Variants in ECSCR observed in about 807,000 individuals in gnomAD.
ECSCR encodes endothelial cell surface expressed chemotaxis and apoptosis regulator.
ECSCR carries 12 observed loss-of-function variants against 16.7 expected under a neutral mutation model. The observed-to-expected ratio is 0.72, with a 90% confidence interval of 0.46 to 1.17. The LOEUF (loss-of-function observed/expected upper bound fraction) is 1.17, where lower values mean the gene tolerates loss of function less well. Among genes scored for constraint, ECSCR ranks in the 50% most tolerant of loss-of-function variants. The probability of loss-of-function intolerance (pLI) is 0.00; values close to 1 mark genes in which losing one functional copy is unlikely to be tolerated. For synonymous variants in ECSCR, 44 were observed against 42.2 expected, an observed-to-expected ratio of 1.04 and a Z score of -0.17; for missense variants, 122 against 116.1, an observed-to-expected ratio of 1.05 and a Z score of -0.23.
At chr5:139,451,279 G>A (rs1751038164) in intron 8 of ECSCR, among the ~76,000 whole-genome samples, 1 of 149,100 alleles carries the variant, frequency 6.7e-6, no homozygotes, top group Non-Finnish European at 1.5e-5. Flanking sequence ...TATGTGTCAT[G>A]TATGTGATGT....
At chr5:139,455,087 C>G (rs1199936914) in intron 6 of ECSCR, among the ~76,000 whole-genome samples, 164 bp from the exon 7 acceptor site, 1 of 152,122 alleles carries the variant, frequency 6.6e-6, no homozygotes, top group Admixed American at 6.5e-5. Flanking sequence ...CTGCCCGCCC[C>G]CTAGCCAGAG....
chr5:139,459,227 AGGGAAGGGGCTGAGAGAC>A (rs1275137392), intron 1 of ECSCR, among the ~76,000 whole-genome samples: 7 of 152,114 alleles, frequency 4.6e-5, no homozygotes, highest in Admixed American at 2.6e-4. Context: ...TCCTGCCCCC[AGGGAAGGGGCTGAGAGAC>A]GGGAAGGTGA....
chr5:139,459,135 T>A (rs1323615068), intron 1 of ECSCR, among the ~76,000 whole-genome samples: 1 of 152,118 alleles, frequency 6.6e-6, no homozygotes, highest in Non-Finnish European at 1.5e-5. Context: ...AGAAGATCAA[T>A]GACCTGCCAC....
Position 139,448,716 on chromosome 5 carries a change from C to G in ECSCR, c.*184G>C. On this transcript the variant is annotated 3_prime_UTR_variant, in exon 10 of 10. Coordinates refer to ENST00000618155, the MANE Select transcript of ECSCR (RefSeq NM_001077693.4). ...AGCAGCTGTCCATACAGGAAAGAGT[C>G]TCCCCTGTTGGTAGCTTGCTCCCAG... 1.4e-6 allele frequency: 2 copies of G among 1,429,010 alleles called. No individual in the cohort carries two copies. The highest frequency in any genetic ancestry group is 2.5e-5 in the East Asian group (1 of 39,702). The allele number at this position is 1,429,010 out of a possible 1,614,324, so 88.5% of individuals were successfully genotyped here.
intron 1 of ECSCR, among the ~76,000 whole-genome samples, chr5:139,461,912 G>A (rs1003619969): frequency 5.3e-5 from 8 of 152,110 alleles, no homozygotes; most frequent in East Asian, 3.9e-4. Context: ...CCCTGGACTC[G>A]TCATGATTCC....
intron 8 of ECSCR, 31 bp from the exon 9 acceptor site, chr5:139,449,205 G>A: frequency 6.7e-7 from 1 of 1,495,790 alleles, no homozygotes; most frequent in African/African-American, 1.4e-5. Context: ...GGGTTAAAGA[G>A]AGGAGGAGGG....
intron 8 of ECSCR, among the ~76,000 whole-genome samples, chr5:139,451,851 T>C (rs1208238905): frequency 6.7e-5 from 10 of 148,416 alleles, no homozygotes; most frequent in African/African-American, 2.5e-4. Flanking sequence ...TAGTATAGGA[T>C]GTATGTATGT....
At chr5:139,449,315 G>A (rs1002606816) in intron 8 of ECSCR, 141 bp from the exon 9 acceptor site, 1 of 643,322 alleles carries the variant, frequency 1.6e-6, no homozygotes, top group African/African-American at 1.8e-5. Context: ...AAATGCGAGT[G>A]TGCTTTGAAG....
intron 5 of ECSCR, among the ~76,000 whole-genome samples, chr5:139,455,744 A>G (rs1177843202): frequency 6.7e-6 from 1 of 148,370 alleles, no homozygotes; most frequent in Admixed American, 6.8e-5. Context: ...TGGGAGGCCA[A>G]GATGGGTGGA....
At chr5:139,457,991 G>T in intron 2 of ECSCR, 148 bp downstream of exon 2, 2 of 1,145,828 alleles carry the variant, frequency 1.7e-6, no homozygotes, top group Non-Finnish European at 2.5e-6. Context: ...ATCCTTAGAT[G>T]AGCTCAGCCT....
intron 8 of ECSCR, among the ~76,000 whole-genome samples, chr5:139,454,223 G>A (rs1229567134): frequency 4.1e-5 from 6 of 147,630 alleles, no homozygotes; most frequent in African/African-American, 1.5e-4. Flanking sequence ...GTGTGTGGGA[G>A]TGTGTGTGTG....
intron 1 of ECSCR, among the ~76,000 whole-genome samples, chr5:139,459,806 A>C (rs1355673036): frequency 5.3e-5 from 8 of 152,226 alleles, no homozygotes; most frequent in African/African-American, 1.7e-4. Context: ...GGCCCACCCC[A>C]GCCTGTGGCA....
At position 139,448,789 on chromosome 5, in the gene ECSCR, C is replaced by T. The variant is rs1217966593; in HGVS notation, c.*111G>A. 4.6e-6 allele frequency: 7 copies of T among 1,505,528 alleles called. No individual in the cohort carries two copies. Among genetic ancestry groups the T allele is most frequent in the East Asian group, 4.9e-5 (2 of 40,676 alleles). 93.3% of individuals were successfully genotyped at this position (1,505,528 alleles called of 1,614,324 possible). ...TTTAGATCTAGAAGCAGACATGAAA[C>T]AATAAAATAATTTACATGTGGTTCA... On this transcript the variant is annotated 3_prime_UTR_variant, in exon 10 of 10. Transcript: ENST00000618155.
In ECSCR at chr5:139,454,592, A is replaced by G; in HGVS notation, c.512+10T>C. ...GGGTGTCAGATAGAAGATTTTTCTG[A>G]CGGTCTTACCTTTCAGACAGCCCTG... On this transcript the variant is annotated intron_variant, in intron 8 of 9. Coordinates refer to ENST00000618155, the MANE Select transcript of ECSCR (RefSeq NM_001077693.4). The G allele has an allele frequency of 2.5e-6, 1 of 398,128 alleles. No individual in the cohort carries two copies. The highest frequency in any genetic ancestry group is 4.4e-6 in the Non-Finnish European group (1 of 225,876). 24.7% of individuals were successfully genotyped at this position (398,128 alleles called of 1,614,324 possible).
chr5:139,457,561 G>A lies in ECSCR; in HGVS notation c.201C>T (p.Ser67=), dbSNP rs368555393. 8.3e-5 allele frequency: 66 copies of A among 793,252 alleles called. No individual in the cohort carries two copies. The highest frequency in any genetic ancestry group is 6.7e-4 in the Middle Eastern group (3 of 4,486). 49.1% of individuals were successfully genotyped at this position (793,252 alleles called of 1,614,324 possible). ...ACACAGTACCTGGGGTACCAGTGCTGGACAGATGGCTTGGCCTGTTAGCCT... is the reference window on the plus strand; with the variant it reads ...ACACAGTACCTGGGGTACCAGTGCTAGACAGATGGCTTGGCCTGTTAGCCT... ...SSEANRPSHL[S]STGTPGAGVP... The change falls in exon 4 of 10, where the codon TCC becomes TCT. Residue 67 remains serine, a synonymous_variant. Transcript: ENST00000618155.
At position 139,448,563 on chromosome 5, in the gene ECSCR, A is replaced by G; in HGVS notation, c.*337T>C. On this transcript the variant is annotated 3_prime_UTR_variant, in exon 10 of 10. Coordinates refer to ENST00000618155, the MANE Select transcript of ECSCR (RefSeq NM_001077693.4). ...TAGACCTTAAAAGTAATTAGACTGC[A>G]GGCTAGAAAATAATTTTAATGCAAA... 1 of 384,594 alleles carries G rather than the reference A, an allele frequency of 2.6e-6. No individual in the cohort carries two copies. Among genetic ancestry groups the G allele is most frequent in the East Asian group, 5.9e-5 (1 of 17,078 alleles). The allele number at this position is 384,594 out of a possible 1,614,324, so 23.8% of individuals were successfully genotyped here.
At chr5:139,461,783 C>T (rs908411435) in intron 1 of ECSCR, among the ~76,000 whole-genome samples, 1 of 152,166 alleles carries the variant, frequency 6.6e-6, no homozygotes, top group Non-Finnish European at 1.5e-5. Flanking sequence ...CCACCCCTCC[C>T]CATCTGAGCC....
chr5:139,455,550 A>G lies in ECSCR; in HGVS notation c.263-114T>C, dbSNP rs1751138853. 1.8e-5 allele frequency: 7 copies of G among 387,638 alleles called. No homozygotes were observed. In the Admixed American group the frequency reaches 2.7e-4, roughly 15 times the overall value. 24.0% of individuals were successfully genotyped at this position (387,638 alleles called of 1,614,324 possible). On this transcript the variant is annotated intron_variant, in intron 5 of 9. Coordinates refer to ENST00000618155, the MANE Select transcript of ECSCR (RefSeq NM_001077693.4). ...GGACCAGAATTTATGCTGCAGAGCT[A>G]GGAGGTCAGACTGGGCAAAATAGAG...
At chr5:139,457,427 G>A in intron 4 of ECSCR, 118 bp downstream of exon 4, 1 of 753,900 alleles carries the variant, frequency 1.3e-6, no homozygotes, top group South Asian at 1.4e-5. Context: ...CAGTGTGAGG[G>A]TCTATTTCCT....
Sources: allele counts gnomAD v4.1 joint callset (sites outside exome capture counted in the v4.1 genomes callset), GRCh38; gene constraint gnomAD v4.1.1; transcripts MANE v1.5; gene names NCBI Gene and HGNC (gene_info 2026-07-23, HGNC 2026-07-21).